The following ADCY2 variants were observed in gnomAD, a reference collection of about 807,000 sequenced individuals.
ADCY2 encodes the protein adenylate cyclase 2, also known as adenylate cyclase type 2.
ADCY2 carries 31 observed loss-of-function variants against 125.2 expected under a neutral mutation model. The observed-to-expected ratio is 0.25, with a 90% CI of 0.19 to 0.33. The LOEUF (loss-of-function observed/expected upper bound fraction) is 0.33. Among genes scored for constraint, ADCY2 ranks in the 10% least tolerant of loss-of-function variants. The pLI, the probability that ADCY2 is intolerant of heterozygous loss-of-function variation, is 1.00. For missense variants in ADCY2, 904 were observed against 1,418.2 expected, an observed-to-expected ratio of 0.64 and a Z score of 5.82; for synonymous variants, 512 against 548.4, an observed-to-expected ratio of 0.93 and a Z score of 0.93.
chr5:7,664,799 T>G (rs1015696127), intron 4 of ADCY2, among the ~76,000 whole-genome samples: 8 of 152,126 alleles, frequency 5.3e-5, no homozygotes, highest in African/African-American at 1.9e-4. Flanking sequence ...TAAGAAACAT[T>G]TTACAACCTG....
intron 2 of ADCY2, among the ~76,000 whole-genome samples, chr5:7,430,911 C>T (rs1469246369): frequency 2.0e-5 from 3 of 152,224 alleles, no homozygotes; most frequent in South Asian, 2.1e-4. Flanking sequence ...AGATTCTGTT[C>T]ATGGATCCAA....
At chr5:7,574,540 G>A (rs1482910098) in intron 3 of ADCY2, among the ~76,000 whole-genome samples, 4 of 152,130 alleles carry the variant, frequency 2.6e-5, no homozygotes, top group South Asian at 4.1e-4. Context: ...TATAAATACC[G>A]TAGCTAACAG....
At chr5:7,693,228 G>A (rs1161066417) in intron 5 of ADCY2, among the ~76,000 whole-genome samples, 1 of 151,938 alleles carries the variant, frequency 6.6e-6, no homozygotes, top group East Asian at 1.9e-4. Context: ...GGGTTCCAAG[G>A]ATATAGTTCT....
At chr5:7,748,506 C>T (rs868175936) in intron 15 of ADCY2, among the ~76,000 whole-genome samples, 5 of 136,554 alleles carry the variant, frequency 3.7e-5, no homozygotes, top group African/African-American at 1.4e-4. Flanking sequence ...ATAAACATTT[C>T]CCCCCACCCT....
chr5:7,541,260 T>C (rs1196685823), intron 3 of ADCY2, among the ~76,000 whole-genome samples: 1 of 152,210 alleles, frequency 6.6e-6, no homozygotes, highest in East Asian at 1.9e-4. Context: ...AAGCTGGGTC[T>C]AAAAATAAAA....
intron 2 of ADCY2, among the ~76,000 whole-genome samples, chr5:7,489,548 G>A (rs1262998585): frequency 6.6e-6 from 1 of 152,082 alleles, no homozygotes; most frequent in Non-Finnish European, 1.5e-5. Context: ...GTTTTATAGA[G>A]TTCCCCTGCA....
At chr5:7,821,049 A>C (rs1163753049) in intron 24 of ADCY2, among the ~76,000 whole-genome samples, 2 of 152,192 alleles carry the variant, frequency 1.3e-5, no homozygotes, top group African/African-American at 4.8e-5. Context: ...ACATGCAACC[A>C]AAACCAGACA....
At chr5:7,693,656 C>T (rs1232054429) in intron 5 of ADCY2, among the ~76,000 whole-genome samples, 4 of 152,152 alleles carry the variant, frequency 2.6e-5, no homozygotes, top group Non-Finnish European at 4.4e-5. Flanking sequence ...CTCCTGGCCT[C>T]AGGTGATCCA....
At chr5:7,492,693 A>G (rs770277512) in intron 2 of ADCY2, among the ~76,000 whole-genome samples, 18 of 151,612 alleles carry the variant, frequency 1.2e-4, no homozygotes, top group Non-Finnish European at 2.1e-4. Context: ...AAAAGGCCAG[A>G]GGAGGGAGGT....
intron 2 of ADCY2, among the ~76,000 whole-genome samples, chr5:7,469,410 C>G (rs993589174): frequency 5.3e-5 from 8 of 151,818 alleles, no homozygotes; most frequent in Non-Finnish European, 1.2e-4. Context: ...ATGGCTCTAT[C>G]CTATTTGTCA....
chr5:7,647,614 A>G (rs1054396633), intron 4 of ADCY2, among the ~76,000 whole-genome samples: 7 of 152,204 alleles, frequency 4.6e-5, no homozygotes, highest in Non-Finnish European at 8.8e-5. Flanking sequence ...GAAATGTTCA[A>G]TGCTCGTTGA....
chr5:7,665,694 C>A (rs1299321916), intron 4 of ADCY2, among the ~76,000 whole-genome samples: 1 of 152,024 alleles, frequency 6.6e-6, no homozygotes, highest in Non-Finnish European at 1.5e-5. Flanking sequence ...TGGAGAGACA[C>A]TGGCTCGTTT....
intron 2 of ADCY2, among the ~76,000 whole-genome samples, chr5:7,433,970 C>A (rs1337860302): frequency 6.6e-6 from 1 of 152,026 alleles, no homozygotes; most frequent in Non-Finnish European, 1.5e-5. Flanking sequence ...GTTAATAATA[C>A]AAATTCTAGG....
intron 5 of ADCY2, chr5:7,691,389 C>T (rs1740698784): frequency 6.6e-6 from 1 of 152,264 alleles, no homozygotes; most frequent in Non-Finnish European, 1.5e-5. Context: ...TACTGCTTTT[C>T]TGAGACTGGT....
intron 4 of ADCY2, among the ~76,000 whole-genome samples, chr5:7,653,572 A>G (rs569700846): frequency 6.6e-6 from 1 of 151,200 alleles, no homozygotes; most frequent in Non-Finnish European, 1.5e-5. Flanking sequence ...GTGCCACTGC[A>G]CTCCAGCCTG....
chr5:7,802,972 G>T lies in ADCY2; in HGVS notation c.2775+608G>T, dbSNP rs1008122520. ...GCCACACTATTCTTATCACTATCTTGCAAAATAGAAGAAAATTGACATCTG... is the reference window on the plus strand; with the variant it reads ...GCCACACTATTCTTATCACTATCTTTCAAAATAGAAGAAAATTGACATCTG... On this transcript the variant is annotated intron_variant, in intron 21 of 24. Coordinates refer to ENST00000338316, the MANE Select transcript of ADCY2 (RefSeq NM_020546.3). This position sits in a 1 kb window ranked among gnomAD's most constrained non-coding sequence, Gnocchi z 4.6. Among the ~76,000 whole-genome samples the T allele has an allele frequency of 3.9e-5, 6 of 152,138 alleles. No homozygotes were observed. Among genetic ancestry groups the T allele is most frequent in the African/African-American group, 1.2e-4 (5 of 41,432 alleles).
In ADCY2 at chr5:7,826,967, C is replaced by T. The variant is rs1745501299; in HGVS notation, c.*96C>T. On this transcript the variant is annotated 3_prime_UTR_variant, in exon 25 of 25. Coordinates refer to ENST00000338316, the MANE Select transcript of ADCY2 (RefSeq NM_020546.3). ...CTGTCCCTTGTTTTTGATGTGCGTGCTGTCTGTCCTATGGAGCCTCTGCAG... is the reference window on the plus strand; with the variant it reads ...CTGTCCCTTGTTTTTGATGTGCGTGTTGTCTGTCCTATGGAGCCTCTGCAG... The T allele has an allele frequency of 2.1e-6, 3 of 1,442,136 alleles. No individual in the cohort carries two copies. Among genetic ancestry groups the T allele is most frequent in the Non-Finnish European group, 2.8e-6 (3 of 1,066,028 alleles). 89.3% of individuals were successfully genotyped at this position (1,442,136 alleles called of 1,614,324 possible).
intron 10 of ADCY2, among the ~76,000 whole-genome samples, chr5:7,712,255 C>A (rs1051064088): frequency 1.3e-5 from 2 of 152,130 alleles, no homozygotes; most frequent in Non-Finnish European, 2.9e-5. Context: ...TCCTTGAAAG[C>A]CTATTATTGA....
chr5:7,807,906 G>A (rs1055607467), intron 22 of ADCY2, among the ~76,000 whole-genome samples: 1 of 152,054 alleles, frequency 6.6e-6, no homozygotes, highest in African/African-American at 2.4e-5. Context: ...TCCTCTCCAG[G>A]TATGGTGCAC....
Sources: allele counts gnomAD v4.1 joint callset (sites outside exome capture counted in the v4.1 genomes callset), GRCh38; gene constraint gnomAD v4.1.1; non-coding constraint Gnocchi (gnomAD v3.1); transcripts MANE v1.5; gene names NCBI Gene and HGNC (gene_info 2026-07-23, HGNC 2026-07-21).